Variants in ANO7 observed in about 807,000 individuals in gnomAD.
The protein encoded by ANO7 is anoctamin 7.
Under a neutral mutation model 115.8 loss-of-function variants are expected in ANO7, and 114 were observed. That is an observed-to-expected ratio of 0.98 (90% CI 0.85 to 1.15). ANO7 has a LOEUF of 1.15. Ranked by LOEUF, ANO7 falls within the 50% of genes most tolerant of loss-of-function variation. The pLI, the probability that ANO7 is intolerant of heterozygous loss-of-function variation, is 0.00. For missense variants in ANO7, 1,302 were observed against 1,201.2 expected, an observed-to-expected ratio of 1.08 and a Z score of -1.24; for synonymous variants, 550 against 498.2, an observed-to-expected ratio of 1.10 and a Z score of -1.38.
Position 241,202,203 on chromosome 2 carries a change from A to G in ANO7, c.622A>G (p.Ile208Val). ...TCCACATCCCCTGCAGCTGTTTGAG[A>G]TCCTGGCCAAGACCCCGTATGGCCA... ...STKRHQILFE[I>V]LAKTPYGHEK... is the part of the protein sequence containing the mutation. The change falls in exon 8 of 25, where the codon ATC becomes GTC. Residue 208 changes from isoleucine to valine, a missense_variant. Transcript: ENST00000674324. The G allele has an allele frequency of 6.2e-7, 1 of 1,613,730 alleles. No individual in the cohort carries two copies.
intron 6 of ANO7, among the ~76,000 whole-genome samples, 173 bp downstream of exon 6, chr2:241,200,398 C>T (rs1401113640): frequency 6.6e-6 from 1 of 152,250 alleles, no homozygotes; most frequent in Non-Finnish European, 1.5e-5. Context: ...AATGCCGCTG[C>T]GTCAGCCGGG....
chr2:241,210,012 C>T (rs896220026), intron 13 of ANO7, among the ~76,000 whole-genome samples: 1 of 152,220 alleles, frequency 6.6e-6, no homozygotes, highest in African/African-American at 2.4e-5. Context: ...GTCAGGAATC[C>T]CCAATTCCTG....
Position 241,216,159 on chromosome 2 carries a change from A to G in ANO7, c.1893A>G (p.Ala631=), listed in dbSNP as rs1482594367. ...AGAAGAGGAAGGCGGGAGCTTCTGC[A>G]GGGGCTAGCCAGGGGCCCTGGGAGG... ...RSKKRKAGAS[A]GASQGPWEDD... Residue 631 remains alanine (A), a synonymous_variant, in exon 19 of 25, where the codon GCA becomes GCG. Coordinates refer to ENST00000674324, the MANE Select transcript of ANO7 (RefSeq NM_001370694.2). 1.9e-6 allele frequency: 3 copies of G among 1,613,348 alleles called. No homozygotes were observed. The South Asian group carries it at 3.3e-5, about 18-fold the overall frequency.
chr2:241,193,298 G>A (rs1364744560), intron 3 of ANO7, among the ~76,000 whole-genome samples: 1 of 152,126 alleles, frequency 6.6e-6, no homozygotes, highest in African/African-American at 2.4e-5. Context: ...TTGAACTCCT[G>A]ACCTCAGGTG....
chr2:241,214,219 A>G (rs1574788282), intron 17 of ANO7, among the ~76,000 whole-genome samples: 1 of 152,340 alleles, frequency 6.6e-6, no homozygotes, highest in East Asian at 1.9e-4. Flanking sequence ...CAGGAGGTGG[A>G]GGCTGCAGGG....
intron 1 of ANO7, 33 bp from the exon 2 acceptor site, chr2:241,190,024 A>G: frequency 7.2e-6 from 11 of 1,527,266 alleles, no homozygotes; most frequent in Non-Finnish European, 9.8e-6. Context: ...CCCCTCTCTG[A>G]CCCCCATCCC....
chr2:241,196,422 C>T (rs2068331046), intron 4 of ANO7, among the ~76,000 whole-genome samples: 1 of 152,190 alleles, frequency 6.6e-6, no homozygotes, highest in Non-Finnish European at 1.5e-5. Context: ...CCACTCATTG[C>T]CAGGTCTGTC....
chr2:241,197,540 C>G (rs2068373585), intron 4 of ANO7, among the ~76,000 whole-genome samples: 1 of 152,264 alleles, frequency 6.6e-6, no homozygotes, highest in Non-Finnish European at 1.5e-5. Context: ...GCCCACACCA[C>G]CATGCCCGGC....
intron 2 of ANO7, 71 bp from the exon 3 acceptor site, chr2:241,191,123 G>A: frequency 1.3e-6 from 2 of 1,561,318 alleles, no homozygotes; most frequent in South Asian, 2.3e-5. Flanking sequence ...TTCAGGGTGG[G>A]GCGGGGTGGG....
rs2068309903 is a variant in ANO7 at position 241,195,740 on chromosome 2, A to G, written c.204A>G (p.Leu68=). Residue 68 remains leucine (L), a synonymous_variant, in exon 4 of 25, where the codon CTA becomes CTG. Coordinates refer to ENST00000674324, the MANE Select transcript of ANO7 (RefSeq NM_001370694.2). Reference sequence around the variant, plus strand: ...TCGTTTGGGAGGAGGACCTGAAGCTAGACAGGCAGCAGGACAGTGCCGCCC... The same window carrying G: ...TCGTTTGGGAGGAGGACCTGAAGCTGGACAGGCAGCAGGACAGTGCCGCCC... The part of the protein sequence containing the change: ...FVLVWEEDLK[L]DRQQDSAARD... The G allele has an allele frequency of 1.9e-6, 3 of 1,614,220 alleles. No homozygotes were observed. The African/African-American group carries it at 4.0e-5, about 22-fold the overall frequency.
At chr2:241,215,094 G>A (rs2068801212) in intron 18 of ANO7, among the ~76,000 whole-genome samples, 192 bp downstream of exon 18, 1 of 152,244 alleles carries the variant, frequency 6.6e-6, no homozygotes, top group Admixed American at 6.5e-5. Context: ...CAGCTGCCCT[G>A]TGGCTGGCTG....
At position 241,195,720 on chromosome 2, in the gene ANO7, T is replaced by G; in HGVS notation, c.184T>G (p.Trp62Gly). Residue 62 changes from tryptophan (W) to glycine (G), a missense_variant, in exon 4 of 25, where the codon TGG becomes GGG. Trp to Gly is a radical substitution (Grantham distance 184, BLOSUM62 -2). Transcript: ENST00000674324. ...KPRIADFVLVWEEDLKLDRQQ... is the reference protein window; with the variant it reads ...KPRIADFVLVGEEDLKLDRQQ... The stretch of plus-strand genomic sequence containing the variant: ...GCTCCCAGCAGACTTCGTCCTCGTT[T>G]GGGAGGAGGACCTGAAGCTAGACAG... The G allele has an allele frequency of 1.2e-6, 2 of 1,614,192 alleles. No individual in the cohort carries two copies. Among genetic ancestry groups the G allele is most frequent in the South Asian group, 2.2e-5 (2 of 91,086 alleles).
At chr2:241,191,615 T>C (rs1248380664) in intron 3 of ANO7, among the ~76,000 whole-genome samples, 1 of 152,022 alleles carries the variant, frequency 6.6e-6, no homozygotes, top group Non-Finnish European at 1.5e-5. Flanking sequence ...AAAATCTCTT[T>C]GATCCACCCC....
intron 9 of ANO7, among the ~76,000 whole-genome samples, chr2:241,204,597 G>A (rs2068547567): frequency 6.6e-6 from 1 of 152,148 alleles, no homozygotes; most frequent in South Asian, 2.1e-4. Context: ...TCCAGAGGTG[G>A]AGAGCCTGGT....
rs751442586 is a variant in ANO7, at chr2:241,195,732, C to T, written c.196C>T (p.Leu66=). 1 of 1,614,234 alleles carries T rather than the reference C, an allele frequency of 6.2e-7. No homozygotes were observed. Among genetic ancestry groups the T allele is most frequent in the Non-Finnish European group, 8.5e-7 (1 of 1,180,044 alleles). The change falls in exon 4 of 25, where the codon CTG becomes TTG. Residue 66 remains leucine (L), a synonymous_variant. Transcript: ENST00000674324. ...ADFVLVWEED[L]KLDRQQDSAA... is the part of the protein sequence containing the mutation. Reference sequence around the variant, plus strand: ...CTTCGTCCTCGTTTGGGAGGAGGACCTGAAGCTAGACAGGCAGCAGGACAG... The same window carrying T: ...CTTCGTCCTCGTTTGGGAGGAGGACTTGAAGCTAGACAGGCAGCAGGACAG...
intron 3 of ANO7, among the ~76,000 whole-genome samples, chr2:241,193,604 G>A (rs1156522327): frequency 6.6e-6 from 1 of 151,746 alleles, no homozygotes; most frequent in African/African-American, 2.4e-5. Context: ...TTCATATAAA[G>A]GTAGAATATA....
chr2:241,232,886 G>A, the ANO7 span, among the ~76,000 whole-genome samples: 5 of 152,094 alleles, frequency 3.3e-5, no homozygotes, highest in South Asian at 4.1e-4. Context: ...GGAAGAGGAC[G>A]TGGGAGCTGG....
chr2:241,192,607 G>A (rs1337271498), intron 3 of ANO7, among the ~76,000 whole-genome samples: 1 of 152,170 alleles, frequency 6.6e-6, no homozygotes, highest in Non-Finnish European at 1.5e-5. Context: ...GAGGACTGTG[G>A]GGTGGGGCTT....
chr2:241,210,353 T>C lies in ANO7; in HGVS notation c.1418T>C (p.Ile473Thr). 5.0e-6 allele frequency: 8 copies of C among 1,614,068 alleles called. No homozygotes were observed. Among genetic ancestry groups the C allele is most frequent in the Non-Finnish European group, 6.8e-6 (8 of 1,179,990 alleles). Reference protein sequence around the residue: ...SIILYRAIMAIVVSRSGNTLL... With the variant: ...SIILYRAIMATVVSRSGNTLL... The stretch of plus-strand genomic sequence containing the variant: ...ATCCTGTACCGTGCCATCATGGCCA[T>C]CGTGGTGTCCAGGTCGGGCAACACC... The change falls in exon 14 of 25, where the codon ATC (isoleucine) becomes ACC (threonine). Residue 473 changes from isoleucine (I) to threonine (T), a missense_variant. Ile to Thr is a moderately conservative substitution (Grantham distance 89). Transcript: ENST00000674324.
Sources: gnomAD v4.1 joint callset for allele counts (sites outside exome capture counted in the v4.1 genomes callset) on GRCh38, gnomAD v4.1.1 for gene constraint, MANE v1.5 for transcripts, NCBI Gene and HGNC (gene_info 2026-07-23, HGNC 2026-07-21) for gene names.